The following IL7R variants were observed in gnomAD, a reference collection of about 807,000 sequenced individuals.
IL7R encodes interleukin 7 receptor, also known as interleukin-7 receptor subunit alpha.
IL7R carries 38 observed loss-of-function variants against 47.0 expected under a neutral mutation model. That is an observed-to-expected ratio of 0.81 (90% CI 0.62 to 1.06). The LOEUF (loss-of-function observed/expected upper bound fraction) is 1.06, where lower values mean the gene tolerates loss of function less well. Ranked by LOEUF, IL7R falls within the 50% of genes least tolerant of loss-of-function variation. The pLI, the probability that IL7R is intolerant of heterozygous loss-of-function variation, is 0.00. For synonymous variants in IL7R, 221 were observed against 199.8 expected (o/e 1.11, Z -0.89); for missense variants, 633 against 534.8 (o/e 1.18, Z -1.81).
At position 35,875,543 on chromosome 5, in the gene IL7R, G is replaced by A. The variant is rs201449880; in HGVS notation, c.832G>A (p.Asp278Asn). The change falls in exon 7 of 8, where the codon GAT becomes AAT. Residue 278 changes from aspartate (D) to asparagine (N), a missense_variant. Transcript: ENST00000303115. Reference sequence around the variant, plus strand: ...GCCTATCGTATGGCCCAGTCTCCCCGATCATAAGAAGACTCTGGAACATCT... The same window carrying A: ...GCCTATCGTATGGCCCAGTCTCCCCAATCATAAGAAGACTCTGGAACATCT... ...IKPIVWPSLP[D>N]HKKTLEHLCK... 6.9e-5 allele frequency: 111 copies of A among 1,613,502 alleles called. No individual in the cohort carries two copies. The highest frequency in any genetic ancestry group is 2.1e-4 in the South Asian group (19 of 91,046).
In IL7R at chr5:35,878,198, C is replaced by T. The variant is rs1760262924; in HGVS notation, c.*1712C>T. On this transcript the variant is annotated 3_prime_UTR_variant, in exon 8 of 8. Coordinates refer to ENST00000303115, the MANE Select transcript of IL7R (RefSeq NM_002185.5). Reference sequence around the variant, plus strand: ...AATGTTTTACTTTCCAAAGTGCTCTCCTCTGCACCAGCAGTAATAAATACA... The same window carrying T: ...AATGTTTTACTTTCCAAAGTGCTCTTCTCTGCACCAGCAGTAATAAATACA... 1 of 233,148 alleles carries T rather than the reference C, an allele frequency of 4.3e-6. No individual in the cohort carries two copies. 14.4% of individuals were successfully genotyped at this position (233,148 alleles called of 1,614,324 possible).
chr5:35,871,029 C>T, intron 3 of IL7R, 27 bp from the exon 4 acceptor site: 1 of 1,603,860 alleles, frequency 6.2e-7, no homozygotes, highest in South Asian at 1.1e-5. Flanking sequence ...GCCCTTTAGA[C>T]AGAATTTATT....
chr5:35,867,381 CT>C lies in IL7R; in HGVS notation c.299del (p.Leu100TyrfsTer2). 6.2e-7 allele frequency: 1 copy of C among 1,613,418 alleles called. No individual in the cohort carries two copies. The highest frequency in any genetic ancestry group is 8.5e-7 in the Non-Finnish European group (1 of 1,179,482). On this transcript the variant is annotated frameshift_variant, in exon 3 of 8. Coordinates refer to ENST00000303115, the MANE Select transcript of IL7R (RefSeq NM_002185.5). LOFTEE classifies it high-confidence loss of function. ...TATATTTCATCGAGACAAAGAAATT[CT>C]TACTGATTGGAAAGAGCAATATATG... is the stretch of plus-strand genomic sequence containing the variant. Reference protein sequence around the residue: ...EIYFIETKKFLLIGKSNICVK... With the variant: ...EIYFIETKKFXLIGKSNICVK...
At chr5:35,870,799 G>C (rs1307942058) in intron 3 of IL7R, among the ~76,000 whole-genome samples, 4 of 152,166 alleles carry the variant, frequency 2.6e-5, no homozygotes, top group Admixed American at 1.3e-4. Context: ...TCACACATGG[G>C]TGTGTGTCTG....
At chr5:35,857,205 T>TA (rs72534634) in intron 1 of IL7R, 146 bp downstream of exon 1, 1 of 613,454 alleles carries the variant, frequency 1.6e-6, no homozygotes, top group African/African-American at 4.3e-5. Flanking sequence ...TTTTTTAATG[T>TA]TTAACCACCA....
Position 35,877,256 on chromosome 5 carries a change from C to A in IL7R, c.*770C>A, listed in dbSNP as rs919994365. 1.3e-5 allele frequency: 3 copies of A among 232,864 alleles called. No individual in the cohort carries two copies. Among genetic ancestry groups the A allele is most frequent in the African/African-American group, 4.4e-5 (2 of 45,260 alleles). The allele number at this position is 232,864 out of a possible 1,614,324, so 14.4% of individuals were successfully genotyped here. ...AGCAAAAACTAGGACTGTCCCCAGA[C>A]AAATGTGAACATACATATCATCACT... On this transcript the variant is annotated 3_prime_UTR_variant, in exon 8 of 8. Transcript: ENST00000303115.
At chr5:35,867,519 G>A in intron 3 of IL7R, 56 bp downstream of exon 3, 1 of 1,384,344 alleles carries the variant, frequency 7.2e-7, no homozygotes, top group South Asian at 1.2e-5. Flanking sequence ...TGAAAACACT[G>A]TGTCTGGACA....
At chr5:35,866,064 C>G (rs771954700) in intron 2 of IL7R, among the ~76,000 whole-genome samples, 6 of 152,048 alleles carry the variant, frequency 3.9e-5, no homozygotes, top group Non-Finnish European at 8.8e-5. Flanking sequence ...TGTAAATGCT[C>G]TTTATCAGAT....
intron 2 of IL7R, among the ~76,000 whole-genome samples, chr5:35,862,281 CACGGAGGTT>C (rs1293908953): frequency 2.6e-5 from 4 of 152,172 alleles, no homozygotes; most frequent in Non-Finnish European, 5.9e-5. Flanking sequence ...CACTCTCCCA[CACGGAGGTT>C]TGACTTTGGC....
At chr5:35,873,351 T>C (rs997375007) in intron 4 of IL7R, 129 bp from the exon 5 acceptor site, 4 of 811,960 alleles carry the variant, frequency 4.9e-6, no homozygotes, top group Non-Finnish European at 8.4e-6. Flanking sequence ...GAGCTCCTTA[T>C]TCTAACAAAT....
chr5:35,878,161 A>G lies in IL7R; in HGVS notation c.*1675A>G, dbSNP rs1312749159. ...AGGACTGGTAAGATCAGACCATCTT[A>G]TTCTTCAGGTGAATGTTTTACTTTC... On this transcript the variant is annotated 3_prime_UTR_variant, in exon 8 of 8. Coordinates refer to ENST00000303115, the MANE Select transcript of IL7R (RefSeq NM_002185.5). 1.3e-5 allele frequency: 3 copies of G among 233,154 alleles called. No individual in the cohort carries two copies. Among genetic ancestry groups the G allele is most frequent in the Non-Finnish European group, 2.5e-5 (3 of 118,064 alleles). The allele number at this position is 233,154 out of a possible 1,614,324, so 14.4% of individuals were successfully genotyped here.
At chr5:35,871,350 T>C in intron 4 of IL7R, 137 bp downstream of exon 4, 1 of 680,158 alleles carries the variant, frequency 1.5e-6, no homozygotes, top group South Asian at 1.7e-5. Context: ...AATCTCCCAA[T>C]ATTGGCCCCA....
rs1760292374 is a variant in IL7R, at chr5:35,879,265, A to G, written c.*2779A>G. The G allele has an allele frequency of 1.3e-5, 3 of 232,848 alleles. No individual in the cohort carries two copies. The highest frequency in any genetic ancestry group is 6.1e-5 in the East Asian group (1 of 16,516). 14.4% of individuals were successfully genotyped at this position (232,848 alleles called of 1,614,324 possible). The stretch of plus-strand genomic sequence containing the variant: ...TGCCTCTTCCTTCAATGTGGTTTCC[A>G]TGGGAATTTGCTTCAGAAAAGCCAA... On this transcript the variant is annotated 3_prime_UTR_variant, in exon 8 of 8. Coordinates refer to ENST00000303115, the MANE Select transcript of IL7R (RefSeq NM_002185.5).
At chr5:35,867,252 T>A in intron 2 of IL7R, 54 bp from the exon 3 acceptor site, 2 of 1,498,142 alleles carry the variant, frequency 1.3e-6, no homozygotes, top group Non-Finnish European at 1.9e-6. Context: ...ACTATTCCAC[T>A]GCATACAGGA....
rs1759786831 is a variant in IL7R, at chr5:35,860,858, T to C, written c.89T>C (p.Leu30Ser). 6.2e-7 allele frequency: 1 copy of C among 1,613,546 alleles called. No individual in the cohort carries two copies. Among genetic ancestry groups the C allele is most frequent in the South Asian group, 1.1e-5 (1 of 91,074 alleles). The change falls in exon 2 of 8, where the codon TTG (leucine) becomes TCG (serine). Residue 30 changes from leucine (L) to serine (S), a missense_variant. Physicochemically the swap from Leu to Ser is moderately radical, Grantham distance 145. Coordinates refer to ENST00000303115, the MANE Select transcript of IL7R (RefSeq NM_002185.5). ...GESGYAQNGD[L>S]EDAELDDYSF... ...CATGTTTGTTCCTCCCCAGGAGACT[T>C]GGAAGATGCAGAACTGGATGACTAC...
chr5:35,871,154 G>A lies in IL7R; in HGVS notation c.478G>A (p.Val160Ile), dbSNP rs1760065433. 6.2e-7 allele frequency: 1 copy of A among 1,613,346 alleles called. No individual in the cohort carries two copies. The highest frequency in any genetic ancestry group is 1.1e-5 in the South Asian group (1 of 91,076). The change falls in exon 4 of 8, where the codon GTA (valine) becomes ATA (isoleucine). Residue 160 changes from valine to isoleucine, a missense_variant. Transcript: ENST00000303115. ...TACATCACACTTGCAAAAGAAGTAT[G>A]TAAAAGTTTTAATGCACGATGTAGC... Reference protein sequence around the residue: ...FNTSHLQKKYVKVLMHDVAYR... With the variant: ...FNTSHLQKKYIKVLMHDVAYR...
intron 3 of IL7R, among the ~76,000 whole-genome samples, chr5:35,869,975 C>T (rs1431739239): frequency 6.6e-6 from 1 of 152,202 alleles, no homozygotes; most frequent in African/African-American, 2.4e-5. Context: ...AGGCCAAACT[C>T]TGCCATGTGG....
At chr5:35,858,907 C>T (rs934747237) in intron 1 of IL7R, among the ~76,000 whole-genome samples, 1 of 152,126 alleles carries the variant, frequency 6.6e-6, no homozygotes, top group Non-Finnish European at 1.5e-5. Flanking sequence ...AATTTAAACG[C>T]ACATCTGTCC....
chr5:35,857,672 A>G (rs1361128672), intron 1 of IL7R, among the ~76,000 whole-genome samples: 2 of 152,176 alleles, frequency 1.3e-5, no homozygotes, highest in Non-Finnish European at 2.9e-5. Flanking sequence ...ATTGAAATAC[A>G]CTGAATTGCC....
Sources: allele counts gnomAD v4.1 joint callset (sites outside exome capture counted in the v4.1 genomes callset), GRCh38; gene constraint gnomAD v4.1.1; transcripts MANE v1.5; gene names NCBI Gene and HGNC (gene_info 2026-07-23, HGNC 2026-07-21).